Variants in SYN3 observed in about 807,000 individuals in gnomAD.
SYN3 encodes the protein synapsin-3.
A neutral mutation model predicts 65.8 loss-of-function variants in SYN3; 35 were observed. That is an observed-to-expected ratio of 0.53 (90% CI 0.41 to 0.70). The LOEUF is 0.70. Among genes scored for constraint, SYN3 ranks in the 30% least tolerant of loss-of-function variants. The pLI is 0.00. For synonymous variants in SYN3, 270 were observed against 292.9 expected, an observed-to-expected ratio of 0.92 and a Z score of 0.80; for missense variants, 680 against 749.0, an observed-to-expected ratio of 0.91 and a Z score of 1.08.
chr22:32,517,941 G>T, intron 13 of SYN3, 102 bp downstream of exon 13: 4 of 1,293,740 alleles, frequency 3.1e-6, no homozygotes, highest in Middle Eastern at 2.0e-4. Flanking sequence ...GCAAGGCCTC[G>T]TTGGGTCTTC....
intron 8 of SYN3, among the ~76,000 whole-genome samples, chr22:32,540,140 C>T (rs1047020690): frequency 7.2e-5 from 11 of 152,312 alleles, no homozygotes; most frequent in East Asian, 5.8e-4. Flanking sequence ...GCAACAGAGA[C>T]GATATAGCCC....
intron 6 of SYN3, among the ~76,000 whole-genome samples, chr22:32,781,652 C>A (rs2046067376): frequency 1.3e-5 from 2 of 151,042 alleles, no homozygotes; most frequent in African/African-American, 4.9e-5. Context: ...GGAGGTGTTA[C>A]TTAGGTGTTT....
chr22:32,970,629 A>G (rs2051991818), intron 3 of SYN3, among the ~76,000 whole-genome samples: 1 of 152,200 alleles, frequency 6.6e-6, no homozygotes, highest in African/African-American at 2.4e-5. Flanking sequence ...GGGGGAAAAC[A>G]ATGAAAAAAT....
At chr22:33,005,087 T>A (rs917262098) in intron 2 of SYN3, among the ~76,000 whole-genome samples, 12 of 152,204 alleles carry the variant, frequency 7.9e-5, no homozygotes, top group African/African-American at 2.9e-4. Context: ...AGAGGTGCCT[T>A]CCACCATAAT....
At chr22:32,772,583 A>T (rs1420081565) in intron 6 of SYN3, among the ~76,000 whole-genome samples, 1 of 152,224 alleles carries the variant, frequency 6.6e-6, no homozygotes, top group Non-Finnish European at 1.5e-5. Flanking sequence ...AAGAGCCTTT[A>T]CAGATGTGAT....
At chr22:32,641,137 T>C (rs1361886038) in intron 6 of SYN3, among the ~76,000 whole-genome samples, 2 of 152,186 alleles carry the variant, frequency 1.3e-5, no homozygotes, top group African/African-American at 4.8e-5. Flanking sequence ...CTCAATACAT[T>C]GAGCACGAAC....
At chr22:32,836,615 C>T (rs1345527258) in intron 6 of SYN3, among the ~76,000 whole-genome samples, 9 of 152,130 alleles carry the variant, frequency 5.9e-5, no homozygotes, top group Non-Finnish European at 8.8e-5. Flanking sequence ...TATGTATGGG[C>T]TCGTTTTTCT....
chr22:32,811,817 C>T (rs2046924712), intron 6 of SYN3, among the ~76,000 whole-genome samples: 1 of 152,202 alleles, frequency 6.6e-6, no homozygotes. Context: ...GCAAGCCCAA[C>T]ACTTGTCAAG....
intron 6 of SYN3, among the ~76,000 whole-genome samples, chr22:32,808,803 C>T (rs1452451877): frequency 6.6e-6 from 1 of 152,192 alleles, no homozygotes; most frequent in Non-Finnish European, 1.5e-5. Context: ...AACACCATCT[C>T]TAGTAAAACC....
At chr22:32,934,877 A>G (rs2050729312) in intron 3 of SYN3, among the ~76,000 whole-genome samples, 1 of 152,166 alleles carries the variant, frequency 6.6e-6, no homozygotes, top group African/African-American at 2.4e-5. Context: ...GACGAGGAAA[A>G]GACAGAAAGA....
intron 12 of SYN3, among the ~76,000 whole-genome samples, chr22:32,520,849 G>C (rs115765556): frequency 6.6e-6 from 1 of 152,138 alleles, no homozygotes; most frequent in Non-Finnish European, 1.5e-5. Flanking sequence ...CCATTAACTC[G>C]CTGTGTGACC....
At chr22:33,041,528 C>T (rs1211114795) in intron 1 of SYN3, among the ~76,000 whole-genome samples, 2 of 151,356 alleles carry the variant, frequency 1.3e-5, no homozygotes, top group Non-Finnish European at 2.9e-5. Context: ...TCGATCTCCT[C>T]ACCTTGTGAT....
chr22:32,887,486 A>G (rs2049325650), intron 4 of SYN3, among the ~76,000 whole-genome samples: 1 of 152,208 alleles, frequency 6.6e-6, no homozygotes, highest in Non-Finnish European at 1.5e-5. Flanking sequence ...CAACAACCCA[A>G]GCGAGCTTGG....
At chr22:32,755,286 A>G (rs929853519) in intron 6 of SYN3, among the ~76,000 whole-genome samples, 2 of 152,244 alleles carry the variant, frequency 1.3e-5, no homozygotes, top group Non-Finnish European at 2.9e-5. Context: ...TGGCATCTCC[A>G]GGTTCAAAAC....
chr22:32,603,498 C>A (rs1269342827), intron 6 of SYN3, among the ~76,000 whole-genome samples: 1 of 144,382 alleles, frequency 6.9e-6, no homozygotes, highest in Admixed American at 7.1e-5. Flanking sequence ...CCAGCCTGGG[C>A]GACAGAGCGA....
At chr22:32,869,342 C>CTCTCTCTCTT (rs2048780566) in intron 4 of SYN3, among the ~76,000 whole-genome samples, 1 of 78,226 alleles carries the variant, frequency 1.3e-5, no homozygotes, top group Non-Finnish European at 2.8e-5. Flanking sequence ...CTCTCTCTCT[C>CTCTCTCTCTT]TCTCTCTCTC....
intron 6 of SYN3, among the ~76,000 whole-genome samples, chr22:32,645,991 G>A (rs1163527421): frequency 6.6e-6 from 1 of 152,138 alleles, no homozygotes; most frequent in Non-Finnish European, 1.5e-5. Context: ...AGGCAAGGAG[G>A]GGACCTGCAC....
intron 6 of SYN3, among the ~76,000 whole-genome samples, chr22:32,663,217 G>A (rs990431065): frequency 9.2e-5 from 14 of 152,000 alleles, no homozygotes; most frequent in African/African-American, 3.4e-4. Context: ...CATGTAAGAC[G>A]TGCCTTTCGC....
At chr22:32,826,506 AAACCAGAT>A (rs2047418266) in intron 6 of SYN3, among the ~76,000 whole-genome samples, 1 of 152,218 alleles carries the variant, frequency 6.6e-6, no homozygotes, top group Non-Finnish European at 1.5e-5. Flanking sequence ...AGAAAGTAGA[AAACCAGAT>A]AACCTCGGTC....
Sources: gnomAD v4.1 joint callset for allele counts (sites outside exome capture counted in the v4.1 genomes callset) on GRCh38, gnomAD v4.1.1 for gene constraint, MANE v1.5 for transcripts, NCBI Gene and HGNC (gene_info 2026-07-23, HGNC 2026-07-21) for gene names.